Variants in ZNF385D observed in about 807,000 individuals in gnomAD.
ZNF385D encodes the protein zinc finger protein 385D.
ZNF385D carries 15 observed loss-of-function variants against 35.8 expected under a neutral mutation model. That is an observed-to-expected ratio of 0.42 (90% CI 0.28 to 0.64). The LOEUF (loss-of-function observed/expected upper bound fraction) is 0.64, where lower values mean the gene tolerates loss of function less well. ZNF385D is among the 30% of genes least tolerant of loss of function. The pLI is 0.23. For synonymous variants in ZNF385D, 212 were observed against 186.8 expected, an observed-to-expected ratio of 1.13 and a Z score of -1.10; for missense variants, 474 against 494.6, an observed-to-expected ratio of 0.96 and a Z score of 0.39.
intron 3 of ZNF385D, among the ~76,000 whole-genome samples, chr3:22,047,707 T>C (rs936887660): frequency 1.3e-5 from 2 of 152,152 alleles, no homozygotes; most frequent in African/African-American, 4.8e-5. Context: ...TCAATGAACA[T>C]GGGAGTGCAG....
chr3:22,037,982 A>T (rs929468911), intron 3 of ZNF385D, among the ~76,000 whole-genome samples: 6 of 152,260 alleles, frequency 3.9e-5, no homozygotes, highest in African/African-American at 1.4e-4. Context: ...TGGGGAAAGG[A>T]TTCCCTATTT....
chr3:21,738,752 C>A (rs1307623357), intron 1 of ZNF385D, among the ~76,000 whole-genome samples: 1 of 152,080 alleles, frequency 6.6e-6, no homozygotes, highest in Non-Finnish European at 1.5e-5. Flanking sequence ...CTACAGTAAG[C>A]AGTGTTGAAA....
At chr3:21,811,563 T>C (rs1051226937) in intron 3 of ZNF385D, among the ~76,000 whole-genome samples, 4 of 152,190 alleles carry the variant, frequency 2.6e-5, no homozygotes, top group African/African-American at 9.7e-5. Context: ...GGAGCTCAGA[T>C]GTATTTGGAG....
Position 21,806,900 on chromosome 3 carries a change from C to A in ZNF385D, c.326-141872G>T, listed in dbSNP as rs562678697. Among the ~76,000 whole-genome samples the A allele has an allele frequency of 1.4e-4, 21 of 152,282 alleles. No individual in the cohort carries two copies. The South Asian group carries it at 4.1e-3, about 30-fold the overall frequency. ...AAAACATTAGCAGTAATTCTTATAACCAGAGCCAAGTTTGGAAAACACATA... is the reference window on the plus strand; with the variant it reads ...AAAACATTAGCAGTAATTCTTATAAACAGAGCCAAGTTTGGAAAACACATA... On this transcript the variant is annotated intron_variant, in intron 3 of 5. Coordinates refer to the ZNF385D transcript ENST00000494108.
intron 2 of ZNF385D, among the ~76,000 whole-genome samples, chr3:22,246,890 T>C (rs1372773128): frequency 6.6e-6 from 1 of 152,178 alleles, no homozygotes; most frequent in African/African-American, 2.4e-5. Flanking sequence ...TTTCAGAACA[T>C]TCTCTGTGTA....
intron 2 of ZNF385D, among the ~76,000 whole-genome samples, chr3:22,182,167 ATAT>A (rs1458064138): frequency 6.6e-6 from 1 of 152,198 alleles, no homozygotes; most frequent in African/African-American, 2.4e-5. Flanking sequence ...AGCTTCTGTA[ATAT>A]TATTATGCAT....
At chr3:21,883,535 T>C (rs1372730370) in intron 3 of ZNF385D, among the ~76,000 whole-genome samples, 1 of 151,966 alleles carries the variant, frequency 6.6e-6, no homozygotes, top group Non-Finnish European at 1.5e-5. Context: ...TCATCCTTGG[T>C]CATGCTATTT....
At chr3:21,483,878 G>A (rs1204137772) in intron 4 of ZNF385D, among the ~76,000 whole-genome samples, 3 of 151,762 alleles carry the variant, frequency 2.0e-5, no homozygotes, top group African/African-American at 7.3e-5. Context: ...TTTCTTTTTT[G>A]CAGACCATAA....
chr3:22,119,655 G>A (rs1207428303), intron 3 of ZNF385D, among the ~76,000 whole-genome samples: 1 of 152,024 alleles, frequency 6.6e-6, no homozygotes, highest in Non-Finnish European at 1.5e-5. Flanking sequence ...TTCAGCCACT[G>A]TGCAGGACAG....
chr3:21,559,447 G>A (rs1426489615), intron 3 of ZNF385D, among the ~76,000 whole-genome samples: 6 of 152,006 alleles, frequency 3.9e-5, no homozygotes, highest in Non-Finnish European at 7.3e-5. Context: ...AGGAAATTCT[G>A]GGTTGAACAT....
intron 3 of ZNF385D, among the ~76,000 whole-genome samples, chr3:22,009,589 C>T (rs931355962): frequency 6.7e-6 from 1 of 148,346 alleles, no homozygotes; most frequent in African/African-American, 2.5e-5. Flanking sequence ...CACAACTGCA[C>T]TCTAGCCTGG....
intron 3 of ZNF385D, among the ~76,000 whole-genome samples, chr3:22,137,110 A>G (rs1704181136): frequency 6.6e-6 from 1 of 152,144 alleles, no homozygotes; most frequent in East Asian, 1.9e-4. Flanking sequence ...ACCTAAACTA[A>G]TATTTGGGGA....
chr3:21,935,047 C>A (rs1180408495), intron 3 of ZNF385D, among the ~76,000 whole-genome samples: 1 of 152,088 alleles, frequency 6.6e-6, no homozygotes, highest in Non-Finnish European at 1.5e-5. Flanking sequence ...ATAAAGGATC[C>A]TCCTTAAAAC....
At chr3:21,439,118 TATAAA>T (rs1701727378) in intron 4 of ZNF385D, among the ~76,000 whole-genome samples, 1 of 152,052 alleles carries the variant, frequency 6.6e-6, no homozygotes. Context: ...TGTACATACT[TATAAA>T]ATAATTTCAT....
chr3:22,214,384 G>C (rs1259279838), intron 2 of ZNF385D, among the ~76,000 whole-genome samples: 6 of 151,982 alleles, frequency 3.9e-5, no homozygotes, highest in Admixed American at 3.9e-4. Flanking sequence ...ATGTGTGTTT[G>C]AACAATATGA....
rs372224025 is a variant in ZNF385D, at chr3:21,967,006, AAAAG to A, written c.325+201807_325+201810del. On this transcript the variant is annotated intron_variant, in intron 3 of 5. Coordinates refer to the ZNF385D transcript ENST00000494108. ...AGCACACAAATATGAAAAAAATTCT[AAAAG>A]AACACACATAAATTAAAATCTGTAT... 1.1e-4 allele frequency among the ~76,000 whole-genome samples: 17 copies of A among 152,358 alleles called. No individual in the cohort carries two copies. In the East Asian group the frequency reaches 3.3e-3, roughly 29 times the overall value.
At chr3:21,955,194 G>A (rs2125305903) in intron 3 of ZNF385D, among the ~76,000 whole-genome samples, 1 of 152,264 alleles carries the variant, frequency 6.6e-6, no homozygotes, top group South Asian at 2.1e-4. Flanking sequence ...TAACATAAAT[G>A]TGGATGCAAC....
chr3:21,853,723 G>T (rs149678575), intron 3 of ZNF385D, among the ~76,000 whole-genome samples: 3 of 151,818 alleles, frequency 2.0e-5, no homozygotes, highest in Admixed American at 6.6e-5. Flanking sequence ...ATCACGATGA[G>T]TGAATTTCCT....
chr3:22,336,339 A>C (rs984354195), intron 2 of ZNF385D, among the ~76,000 whole-genome samples: 1 of 152,118 alleles, frequency 6.6e-6, no homozygotes, highest in Non-Finnish European at 1.5e-5. Context: ...ACCAAAACTT[A>C]ATTCTTTTTT....
Sources: allele counts gnomAD v4.1 joint callset (sites outside exome capture counted in the v4.1 genomes callset), GRCh38; gene constraint gnomAD v4.1.1; transcripts MANE v1.5; gene names NCBI Gene and HGNC (gene_info 2026-07-23, HGNC 2026-07-21).